FHAD1: variants seen among roughly 807,000 people sequenced by gnomAD.
FHAD1 encodes forkhead-associated domain-containing protein 1.
FHAD1 carries 146 observed loss-of-function variants against 191.3 expected under a neutral mutation model. That is an observed-to-expected ratio of 0.76 (90% CI 0.67 to 0.88). The LOEUF is 0.88. Among genes scored for constraint, FHAD1 ranks in the 40% least tolerant of loss-of-function variants. FHAD1 has a pLI of 0.00. For missense variants in FHAD1, 1,635 were observed against 1,785.8 expected, an observed-to-expected ratio of 0.92 and a Z score of 1.52; for synonymous variants, 616 against 672.3, an observed-to-expected ratio of 0.92 and a Z score of 1.29.
intron 25 of FHAD1, among the ~76,000 whole-genome samples, chr1:15,368,862 T>G (rs905313981): frequency 6.6e-6 from 1 of 152,068 alleles, no homozygotes; most frequent in Non-Finnish European, 1.5e-5. Flanking sequence ...TGCTTGAACC[T>G]GGGAGGCGGA....
At chr1:15,366,027 C>G in intron 24 of FHAD1, 94 bp downstream of exon 24, 2 of 831,494 alleles carry the variant, frequency 2.4e-6, no homozygotes, top group South Asian at 3.3e-5. Flanking sequence ...GTGGCGCACG[C>G]CTATAATCCC....
chr1:15,304,848 T>G (rs1285077528), intron 6 of FHAD1, among the ~76,000 whole-genome samples: 1 of 152,078 alleles, frequency 6.6e-6, no homozygotes, highest in Non-Finnish European at 1.5e-5. Context: ...CTTCTGTTAA[T>G]TCTACCACCG....
At chr1:15,385,427 CAGACA>C (rs1433440695) in intron 31 of FHAD1, among the ~76,000 whole-genome samples, 18 of 152,170 alleles carry the variant, frequency 1.2e-4, no homozygotes, top group Non-Finnish European at 2.6e-4. Flanking sequence ...CCCTGACACA[CAGACA>C]ACCACTGTAG....
At position 15,316,061 on chromosome 1, in the gene FHAD1, C is replaced by G. The variant is rs1298763085; in HGVS notation, c.1171-317C>G. ...GCCGTCCAGGCTCGCTAGTGGCCCT[C>G]CAAGGACATCCGTGTTTATTCCTCA... On this transcript the variant is annotated intron_variant, in intron 8 of 33. Coordinates refer to ENST00000688493, the MANE Select transcript of FHAD1 (RefSeq NM_001391957.1). This position sits in a 1 kb window ranked among gnomAD's most constrained non-coding sequence, Gnocchi z 4.3. 6.6e-6 allele frequency among the ~76,000 whole-genome samples: 1 copy of G among 152,250 alleles called. No homozygotes were observed. The highest frequency in any genetic ancestry group is 1.5e-5 in the Non-Finnish European group (1 of 68,042).
At chr1:15,380,940 G>A in intron 29 of FHAD1, 144 bp downstream of exon 29, 2 of 660,270 alleles carry the variant, frequency 3.0e-6, no homozygotes, top group Non-Finnish European at 5.2e-6. Context: ...TACTATCCCA[G>A]CATGGGTCAG....
chr1:15,294,738 C>G (rs924257533), intron 4 of FHAD1, among the ~76,000 whole-genome samples: 2 of 152,072 alleles, frequency 1.3e-5, no homozygotes, highest in Admixed American at 1.3e-4. Context: ...TGGCTTCTAC[C>G]CACTCGATGC....
At chr1:15,239,263 T>C (rs1446311935) in intron 1 of FHAD1, among the ~76,000 whole-genome samples, 1 of 152,114 alleles carries the variant, frequency 6.6e-6, no homozygotes, top group Non-Finnish European at 1.5e-5. Context: ...TGTCAGGTAC[T>C]GCTCTGAGCA....
chr1:15,401,842 C>T (rs569869206), downstream of FHAD1, among the ~76,000 whole-genome samples: 2 of 152,312 alleles, frequency 1.3e-5, no homozygotes, highest in African/African-American at 2.4e-5. Flanking sequence ...GCCTCATTTC[C>T]GTCAGGTGCA....
intron 3 of FHAD1, among the ~76,000 whole-genome samples, chr1:15,280,780 T>G (rs1451608683): frequency 6.6e-6 from 1 of 152,206 alleles, no homozygotes; most frequent in East Asian, 1.9e-4. Flanking sequence ...TGTTTTCTCC[T>G]TAGATTCTCT....
intron 33 of FHAD1, among the ~76,000 whole-genome samples, chr1:15,395,363 C>G (rs6696029): frequency 0.015 from 2,298 of 151,770 alleles, 65 homozygotes; most frequent in African/African-American, 0.053. Context: ...CAGGCATCGT[C>G]TCTCTCGTGC....
At chr1:15,286,843 G>C (rs1316313179) in intron 3 of FHAD1, among the ~76,000 whole-genome samples, 1 of 152,218 alleles carries the variant, frequency 6.6e-6, no homozygotes, top group African/African-American at 2.4e-5. Flanking sequence ...CACCTGTGCA[G>C]TTAGTTGGCA....
chr1:15,245,323 T>C (rs1323479815), upstream of FHAD1, among the ~76,000 whole-genome samples: 2 of 152,318 alleles, frequency 1.3e-5, no homozygotes, highest in Admixed American at 6.5e-5. Context: ...TTGTTCTTAT[T>C]TTTATTTGCT....
At chr1:15,250,510 G>A (rs1476089994) in intron 1 of FHAD1, among the ~76,000 whole-genome samples, 2 of 152,208 alleles carry the variant, frequency 1.3e-5, no homozygotes, top group Non-Finnish European at 2.9e-5. Context: ...CATTTTTATA[G>A]TAAAATGCTG....
chr1:15,385,510 G>T (rs1346309675), intron 31 of FHAD1, among the ~76,000 whole-genome samples: 1 of 152,162 alleles, frequency 6.6e-6, no homozygotes, highest in African/African-American at 2.4e-5. Context: ...TTCCAGCTGG[G>T]CAGGGTAGCT....
chr1:15,240,762 G>C (rs1388373171), intron 1 of FHAD1, among the ~76,000 whole-genome samples: 2 of 151,638 alleles, frequency 1.3e-5, no homozygotes, highest in Non-Finnish European at 2.9e-5. Flanking sequence ...TTTGAGATCA[G>C]CCTGGCCAAT....
intron 21 of FHAD1, among the ~76,000 whole-genome samples, chr1:15,360,059 GC>G (rs1377062990): frequency 2.0e-5 from 3 of 152,204 alleles, no homozygotes; most frequent in Admixed American, 6.5e-5. Flanking sequence ...GTTGCAGTGA[GC>G]CAAGATAGTG....
intron 1 of FHAD1, among the ~76,000 whole-genome samples, chr1:15,236,994 T>C (rs1012589148): frequency 2.0e-5 from 3 of 152,110 alleles, no homozygotes; most frequent in African/African-American, 7.2e-5. Context: ...GCTTTCCCCT[T>C]TTGCTTGGCA....
chr1:15,351,898 C>T (rs1322537070), intron 19 of FHAD1, among the ~76,000 whole-genome samples: 2 of 152,070 alleles, frequency 1.3e-5, no homozygotes, highest in Non-Finnish European at 2.9e-5. Flanking sequence ...AATGTTAAAA[C>T]CGGGAACATT....
chr1:15,341,836 A>G lies in FHAD1; in HGVS notation c.2078A>G (p.Glu693Gly). 1.3e-6 allele frequency: 2 copies of G among 1,551,866 alleles called. No individual in the cohort carries two copies. The highest frequency in any genetic ancestry group is 2.7e-5 in the African/African-American group (2 of 73,200). The change falls in exon 16 of 34, where the codon GAG becomes GGG. Residue 693 changes from glutamate to glycine, a missense_variant. Physicochemically the swap from Glu to Gly is moderately conservative, Grantham distance 98. Transcript: ENST00000688493. ...EKEKLNEERLEQEEKLKAKIR... is the reference protein window; with the variant it reads ...EKEKLNEERLGQEEKLKAKIR... ...GAGAAGCTGAACGAGGAGAGGCTAGAGCAAGAGGAGAAGCTCAAAGCCAAA... is the reference window on the plus strand; with the variant it reads ...GAGAAGCTGAACGAGGAGAGGCTAGGGCAAGAGGAGAAGCTCAAAGCCAAA...
Sources: allele counts gnomAD v4.1 joint callset (sites outside exome capture counted in the v4.1 genomes callset), GRCh38; gene constraint gnomAD v4.1.1; non-coding constraint Gnocchi (gnomAD v3.1); transcripts MANE v1.5; gene names NCBI Gene and HGNC (gene_info 2026-07-23, HGNC 2026-07-21).